Variants in SUGCT observed in about 807,000 individuals in gnomAD.
The protein encoded by SUGCT is succinyl-CoA:glutarate-CoA transferase, also known as succinyl-CoA:glutarate CoA-transferase.
SUGCT carries 41 observed loss-of-function variants against 55.0 expected under a neutral mutation model. The observed-to-expected ratio is 0.74, with a 90% CI of 0.58 to 0.97. The LOEUF is 0.97. Among genes scored for constraint, SUGCT ranks in the 50% least tolerant of loss-of-function variants. SUGCT has a pLI of 0.00. For missense variants in SUGCT, 568 were observed against 547.8 expected (o/e 1.04, Z -0.37); for synonymous variants, 187 against 200.4 (o/e 0.93, Z 0.56).
chr7:41,032,335 G>GC, the SUGCT span, among the ~76,000 whole-genome samples: 25 of 143,804 alleles, frequency 1.7e-4, no homozygotes, highest in Non-Finnish European at 3.1e-4. Context: ...CATTTCTCAT[G>GC]TTTTTTTTTT....
chr7:40,362,663 T>A (rs1452400036), intron 9 of SUGCT, among the ~76,000 whole-genome samples: 1 of 152,142 alleles, frequency 6.6e-6, no homozygotes, highest in Non-Finnish European at 1.5e-5. Flanking sequence ...AGTGGAAGCA[T>A]AAGTTTGGAA....
At chr7:40,659,293 T>A (rs891809813) in intron 12 of SUGCT, among the ~76,000 whole-genome samples, 3 of 152,124 alleles carry the variant, frequency 2.0e-5, no homozygotes, top group Non-Finnish European at 4.4e-5. Context: ...GGAGGTGTAG[T>A]CATCTGAAGG....
chr7:40,227,121 A>G (rs1308731077), intron 6 of SUGCT, among the ~76,000 whole-genome samples: 6 of 133,126 alleles, frequency 4.5e-5, no homozygotes, highest in Admixed American at 3.8e-4. Flanking sequence ...GTATCGGCTC[A>G]CTGCAACCAT....
intron 10 of SUGCT, among the ~76,000 whole-genome samples, chr7:40,453,572 C>T (rs1463294788): frequency 6.6e-6 from 1 of 152,172 alleles, no homozygotes; most frequent in African/African-American, 2.4e-5. Flanking sequence ...ACTTACTAGT[C>T]AGATTCAAAT....
chr7:40,661,590 C>T (rs1801303007), intron 12 of SUGCT, among the ~76,000 whole-genome samples: 1 of 152,190 alleles, frequency 6.6e-6, no homozygotes, highest in Non-Finnish European at 1.5e-5. Context: ...TTTCCCCTCT[C>T]ATTTCTTTTT....
At chr7:40,416,490 A>G (rs1386552613) in intron 9 of SUGCT, among the ~76,000 whole-genome samples, 1 of 151,844 alleles carries the variant, frequency 6.6e-6, no homozygotes, top group Non-Finnish European at 1.5e-5. Flanking sequence ...ATATGCCTGC[A>G]TTTTATCAAA....
intron 12 of SUGCT, among the ~76,000 whole-genome samples, chr7:40,572,550 A>T (rs189688971): frequency 9.8e-4 from 149 of 152,202 alleles, no homozygotes; most frequent in African/African-American, 3.3e-3. Context: ...AGTGAAAATT[A>T]TGTATTAGAT....
chr7:40,876,557 T>G, the SUGCT span, among the ~76,000 whole-genome samples: 1 of 152,208 alleles, frequency 6.6e-6, no homozygotes, highest in African/African-American at 2.4e-5. Context: ...GTTGAAAATA[T>G]AACTTAGGTG....
intron 9 of SUGCT, among the ~76,000 whole-genome samples, chr7:40,409,161 C>A (rs956360217): frequency 6.6e-6 from 1 of 152,128 alleles, no homozygotes; most frequent in African/African-American, 2.4e-5. Flanking sequence ...TACCATGATG[C>A]CCAGGCTGGT....
intron 12 of SUGCT, among the ~76,000 whole-genome samples, chr7:40,517,742 T>G (rs1793321313): frequency 6.6e-6 from 1 of 152,118 alleles, no homozygotes; most frequent in African/African-American, 2.4e-5. Context: ...TTACATGTTG[T>G]TTTTAATAAT....
At chr7:40,676,894 CGTGTGTGTGTGT>C (rs3221667) in intron 12 of SUGCT, among the ~76,000 whole-genome samples, 39 of 144,056 alleles carry the variant, frequency 2.7e-4, no homozygotes, top group African/African-American at 6.2e-4. Context: ...TTCAGAATGA[CGTGTGTGTGTGT>C]GTGTGTGTGT....
At chr7:40,499,258 C>T (rs1166851996) in intron 12 of SUGCT, 5 of 310,090 alleles carry the variant, frequency 1.6e-5, no homozygotes, top group Non-Finnish European at 3.3e-5. Context: ...CTAACAACAA[C>T]AACAAAAGCC....
intron 13 of SUGCT, among the ~76,000 whole-genome samples, chr7:40,818,873 A>G (rs1406398291): frequency 1.3e-5 from 2 of 151,110 alleles, no homozygotes; most frequent in African/African-American, 2.4e-5. Context: ...CTCATCATTT[A>G]CATTAGGTAT....
intron 8 of SUGCT, among the ~76,000 whole-genome samples, chr7:40,275,280 A>G (rs188963221): frequency 1.1e-3 from 166 of 152,108 alleles, no homozygotes; most frequent in African/African-American, 3.8e-3. Context: ...TTGTTTCTTC[A>G]CCTTTTATGT....
chr7:40,812,955 G>C (rs1243069370), intron 13 of SUGCT, among the ~76,000 whole-genome samples: 1 of 151,862 alleles, frequency 6.6e-6, no homozygotes, highest in South Asian at 2.1e-4. Flanking sequence ...TTTGATTTCT[G>C]CCTTAATTTC....
At chr7:40,391,100 G>A (rs886936436) in intron 9 of SUGCT, among the ~76,000 whole-genome samples, 13 of 152,116 alleles carry the variant, frequency 8.5e-5, no homozygotes, top group Non-Finnish European at 1.6e-4. Context: ...GCTGAAACTG[G>A]ATCCCTTCCT....
At chr7:40,502,289 A>G (rs750101629) in intron 12 of SUGCT, among the ~76,000 whole-genome samples, 1 of 152,112 alleles carries the variant, frequency 6.6e-6, no homozygotes, top group African/African-American at 2.4e-5. Flanking sequence ...AGCCAAAGAC[A>G]TAATTGTTTT....
intron 7 of SUGCT, among the ~76,000 whole-genome samples, chr7:40,245,834 AGCATTTATCATTTCTTT>A (rs915413432): frequency 6.6e-6 from 1 of 151,492 alleles, no homozygotes; most frequent in Non-Finnish European, 1.5e-5. Context: ...CATCACCTCA[AGCATTTATCATTTCTTT>A]GCATTACAAA....
At chr7:40,693,571 A>G (rs1784788689) in intron 12 of SUGCT, among the ~76,000 whole-genome samples, 1 of 152,220 alleles carries the variant, frequency 6.6e-6, no homozygotes. Context: ...TTTAGGCTTC[A>G]GAGATAACAC....
Sources: allele counts gnomAD v4.1 joint callset (sites outside exome capture counted in the v4.1 genomes callset), GRCh38; gene constraint gnomAD v4.1.1; transcripts MANE v1.5; gene names NCBI Gene and HGNC (gene_info 2026-07-23, HGNC 2026-07-21).